Variants in CUBN observed in about 807,000 individuals in gnomAD.
CUBN encodes 460 kDa receptor.
Under a neutral mutation model 405.3 loss-of-function variants are expected in CUBN, and 282 were observed. The ratio of observed to expected loss-of-function variants is 0.70; its 90% CI spans 0.63 to 0.77. The LOEUF (loss-of-function observed/expected upper bound fraction) is 0.77, where lower values mean the gene tolerates loss of function less well. Ranked by LOEUF, CUBN falls within the 30% of genes least tolerant of loss-of-function variation. The probability of loss-of-function intolerance (pLI) is 0.00; values close to 1 mark genes in which losing one functional copy is unlikely to be tolerated. For synonymous variants in CUBN, 1,684 were observed against 1,617.0 expected (o/e 1.04, Z -0.99); for missense variants, 4,514 against 4,475.2 (o/e 1.01, Z -0.25).
intron 36 of CUBN, among the ~76,000 whole-genome samples, chr10:16,942,599 G>T (rs1842679524): frequency 6.6e-6 from 1 of 152,120 alleles, no homozygotes; most frequent in Admixed American, 6.5e-5. Flanking sequence ...TGAGGATATG[G>T]AGAAATTAGA....
intron 29 of CUBN, among the ~76,000 whole-genome samples, chr10:16,988,931 T>G (rs1228352259): frequency 2.0e-5 from 3 of 152,178 alleles, no homozygotes; most frequent in Admixed American, 6.6e-5. Context: ...GATTTAATGT[T>G]TAAATGAGAA....
chr10:16,827,110 G>A (rs1457836337), intron 66 of CUBN, among the ~76,000 whole-genome samples: 1 of 152,070 alleles, frequency 6.6e-6, no homozygotes, highest in African/African-American at 2.4e-5. Context: ...GTAACTATAT[G>A]TATAAAGATA....
intron 15 of CUBN, among the ~76,000 whole-genome samples, chr10:17,087,801 G>A (rs972190026): frequency 3.9e-5 from 6 of 152,136 alleles, no homozygotes; most frequent in Non-Finnish European, 8.8e-5. Context: ...CAGTTAAGCT[G>A]TGAAAGACCT....
intron 4 of CUBN, among the ~76,000 whole-genome samples, chr10:17,125,576 G>C (rs1253643180): frequency 6.6e-6 from 1 of 152,168 alleles, no homozygotes; most frequent in Non-Finnish European, 1.5e-5. Flanking sequence ...AAGCAACACT[G>C]TCTGGGGACT....
intron 31 of CUBN, among the ~76,000 whole-genome samples, chr10:16,956,530 A>T (rs4748330): frequency 6.6e-6 from 1 of 151,996 alleles, no homozygotes; most frequent in Non-Finnish European, 1.5e-5. Flanking sequence ...CTCTTACTAC[A>T]TTCATACTTG....
intron 41 of CUBN, among the ~76,000 whole-genome samples, chr10:16,927,048 T>C (rs1175145728): frequency 6.6e-6 from 1 of 152,028 alleles, no homozygotes; most frequent in Non-Finnish European, 1.5e-5. Context: ...AAATACATTC[T>C]AGACCGGGAG....
At chr10:16,863,780 CTTCT>C (rs71287325) in intron 59 of CUBN, among the ~76,000 whole-genome samples, 2 of 152,002 alleles carry the variant, frequency 1.3e-5, no homozygotes, top group African/African-American at 4.8e-5. Context: ...TCTCTGTCTC[CTTCT>C]TTCTTTCTTT....
chr10:16,956,875 T>C (rs10904853), intron 31 of CUBN, among the ~76,000 whole-genome samples: 8,698 of 152,230 alleles, frequency 0.057, 355 homozygotes, highest in Non-Finnish European at 0.088. Flanking sequence ...TATATTTATT[T>C]TTTATTTTGG....
intron 43 of CUBN, among the ~76,000 whole-genome samples, chr10:16,923,983 A>G (rs918870895): frequency 2.6e-5 from 4 of 152,320 alleles, no homozygotes; most frequent in Admixed American, 2.6e-4. Context: ...GGGTCAGGAA[A>G]TCACTTGAGC....
At chr10:17,092,366 G>A (rs7917400) in intron 14 of CUBN, among the ~76,000 whole-genome samples, 81,907 of 151,894 alleles carry the variant, frequency 0.54, 22,768 homozygotes, top group East Asian at 0.7. Context: ...TAAACCATAG[G>A]CATTCAAACC....
chr10:16,911,941 G>C (rs1371012571), intron 48 of CUBN, among the ~76,000 whole-genome samples: 2 of 152,152 alleles, frequency 1.3e-5, no homozygotes, highest in Non-Finnish European at 2.9e-5. Context: ...GCTTTGCCAA[G>C]AAGAGATGAG....
intron 60 of CUBN, 124 bp from the exon 61 acceptor site, chr10:16,841,171 A>C (rs1426903677): frequency 2.5e-6 from 2 of 786,372 alleles, no homozygotes; most frequent in Non-Finnish European, 4.2e-6. Flanking sequence ...TCTTAGAGGT[A>C]GTCTTAATTT....
At chr10:17,007,848 T>G (rs892212260) in intron 28 of CUBN, among the ~76,000 whole-genome samples, 2 of 152,136 alleles carry the variant, frequency 1.3e-5, no homozygotes, top group Non-Finnish European at 2.9e-5. Context: ...TTACACACAC[T>G]CACACAAATG....
In CUBN at chr10:16,947,337, C is replaced by T. The variant is rs369588303; in HGVS notation, c.5240G>A (p.Gly1747Asp). 19 of 1,613,900 alleles carry T rather than the reference C, an allele frequency of 1.2e-5. No homozygotes were observed. In the African/African-American group the frequency reaches 1.5e-4, roughly 12 times the overall value. Residue 1747 changes from glycine to aspartate, a missense_variant, in exon 36 of 67, where the codon GGC (glycine) becomes GAC (aspartate). By Grantham distance (94) the Gly-to-Asp change is moderately conservative (BLOSUM62 -1). Transcript: ENST00000377833. ...ACGGTFYMAE[G>D]IFNSPGYPDI... The stretch of plus-strand genomic sequence containing the variant: ...TGGGTAGCCAGGGCTGTTGAAGATG[C>T]CTTCAGCCATGTAGAACGTTCCACC...
At chr10:16,971,695 G>T (rs1261262035) in intron 31 of CUBN, among the ~76,000 whole-genome samples, 1 of 152,000 alleles carries the variant, frequency 6.6e-6, no homozygotes, top group Non-Finnish European at 1.5e-5. Flanking sequence ...CCAATCTGGC[G>T]CTTCTTGGTG....
At chr10:17,082,628 T>C (rs1835998413) in intron 17 of CUBN, among the ~76,000 whole-genome samples, 1 of 152,228 alleles carries the variant, frequency 6.6e-6, no homozygotes, top group African/African-American at 2.4e-5. Flanking sequence ...CTCGGCTTCA[T>C]GTTTTAGTCT....
At chr10:16,915,492 AT>A (rs1164851570) in intron 46 of CUBN, among the ~76,000 whole-genome samples, 1 of 152,128 alleles carries the variant, frequency 6.6e-6, no homozygotes, top group Admixed American at 6.5e-5. Flanking sequence ...GACATGCATG[AT>A]CCCTTCCCCA....
intron 59 of CUBN, among the ~76,000 whole-genome samples, chr10:16,853,575 C>A (rs1839780563): frequency 6.6e-6 from 1 of 152,194 alleles, no homozygotes; most frequent in African/African-American, 2.4e-5. Context: ...GCTTCTAAGT[C>A]AGGCGAAACT....
chr10:16,939,383 AG>A (rs1309646875), intron 37 of CUBN, among the ~76,000 whole-genome samples: 9 of 152,120 alleles, frequency 5.9e-5, no homozygotes, highest in Non-Finnish European at 1.0e-4. Context: ...CCATGTGAAA[AG>A]GGGTTCTGAG....
Sources: gnomAD v4.1 joint callset for allele counts (sites outside exome capture counted in the v4.1 genomes callset) on GRCh38, gnomAD v4.1.1 for gene constraint, MANE v1.5 for transcripts, NCBI Gene and HGNC (gene_info 2026-07-23, HGNC 2026-07-21) for gene names.